The following RAPGEF2 variants were observed in gnomAD, a reference collection of about 807,000 sequenced individuals.
RAPGEF2 encodes the protein Rap guanine nucleotide exchange factor 2.
A neutral mutation model predicts 186.7 loss-of-function variants in RAPGEF2; 54 were observed. The ratio of observed to expected loss-of-function variants is 0.29; its 90% CI spans 0.23 to 0.36. The LOEUF (loss-of-function observed/expected upper bound fraction) is 0.36. Among genes scored for constraint, RAPGEF2 ranks in the 10% least tolerant of loss-of-function variants. RAPGEF2 has a pLI of 1.00. For synonymous variants in RAPGEF2, 712 were observed against 705.9 expected (o/e 1.01, Z -0.14); for missense variants, 1,532 against 2,045.0 (o/e 0.75, Z 4.84).
At chr4:159,332,408 T>C (rs998618331) in intron 16 of RAPGEF2, 43 bp from the exon 17 acceptor site, 2 of 1,573,764 alleles carry the variant, frequency 1.3e-6, no homozygotes, top group African/African-American at 2.7e-5. Context: ...TCAGATATCT[T>C]ATAATTGCCA....
chr4:159,187,007 T>G (rs1006074609), intron 2 of RAPGEF2, among the ~76,000 whole-genome samples: 4 of 152,254 alleles, frequency 2.6e-5, no homozygotes, highest in African/African-American at 9.6e-5. Context: ...TACCCTATAG[T>G]GCTATAGAAC....
intron 19 of RAPGEF2, 40 bp from the exon 20 acceptor site, chr4:159,341,524 T>C: frequency 5.9e-6 from 9 of 1,526,924 alleles, no homozygotes; most frequent in Non-Finnish European, 7.9e-6. Context: ...ATGAGATTGC[T>C]GCTTAGGCTT....
rs1561333374 is a variant in RAPGEF2 at position 159,350,123 on chromosome 4, T to G, written c.3713-14T>G. 1 of 1,482,272 alleles carries G rather than the reference T, an allele frequency of 6.7e-7. No individual in the cohort carries two copies. The highest frequency in any genetic ancestry group is 2.4e-5 in the East Asian group (1 of 42,198). The allele number at this position is 1,482,272 out of a possible 1,614,324, so 91.8% of individuals were successfully genotyped here. A position where few individuals can be genotyped will look rare whatever the true frequency, so the allele number is the denominator to read the frequency against. On this transcript the variant is annotated splice_polypyrimidine_tract_variant and intron_variant, in intron 25 of 29. Transcript: ENST00000691494. ...TGAAAATACATATTTAAGGTTTTTT[T>G]TTTTCCATTATAGGCATAAACTCTC...
At chr4:159,305,250 C>G (rs1763141390) in intron 8 of RAPGEF2, among the ~76,000 whole-genome samples, 1 of 152,100 alleles carries the variant, frequency 6.6e-6, no homozygotes, top group South Asian at 2.1e-4. Context: ...TTGGAGAAAT[C>G]TCCATACTGT....
intron 1 of RAPGEF2, among the ~76,000 whole-genome samples, chr4:159,157,792 C>A (rs1215373666): frequency 6.6e-6 from 1 of 152,178 alleles, no homozygotes; most frequent in Non-Finnish European, 1.5e-5. Context: ...ATCTCTGCTG[C>A]TAGAATGTCA....
intron 7 of RAPGEF2, among the ~76,000 whole-genome samples, chr4:159,258,527 C>T (rs950178688): frequency 4.6e-5 from 7 of 152,110 alleles, no homozygotes; most frequent in East Asian, 3.8e-4. Flanking sequence ...TTGGTTAATG[C>T]GTCCATTTAT....
chr4:159,175,214 G>A (rs759053060), intron 1 of RAPGEF2, among the ~76,000 whole-genome samples: 2 of 152,136 alleles, frequency 1.3e-5, no homozygotes, highest in Non-Finnish European at 2.9e-5. Context: ...TTTCTTTTGG[G>A]TGTAAATTAG....
intron 4 of RAPGEF2, among the ~76,000 whole-genome samples, chr4:159,219,480 C>T (rs932471832): frequency 3.3e-5 from 5 of 151,168 alleles, no homozygotes; most frequent in South Asian, 2.1e-4. Context: ...CTCAGCCTCC[C>T]GAGTAGCTGG....
intron 2 of RAPGEF2, among the ~76,000 whole-genome samples, chr4:159,189,649 G>A (rs140611191): frequency 6.6e-4 from 101 of 152,244 alleles, no homozygotes; most frequent in African/African-American, 2.4e-3. Flanking sequence ...AGTAGTAACC[G>A]AATTATGGTT....
intron 19 of RAPGEF2, among the ~76,000 whole-genome samples, chr4:159,340,295 A>C (rs1311997197): frequency 6.6e-6 from 1 of 152,142 alleles, no homozygotes; most frequent in East Asian, 1.9e-4. Context: ...ACACTAGCAA[A>C]TAGTTTTGTT....
chr4:159,208,648 T>A (rs1218766196), intron 3 of RAPGEF2, among the ~76,000 whole-genome samples: 1 of 152,212 alleles, frequency 6.6e-6, no homozygotes, highest in East Asian at 1.9e-4. Context: ...TTTGGTTCAT[T>A]TGGTTATGTT....
chr4:159,336,620 G>A (rs1287843280), intron 17 of RAPGEF2, among the ~76,000 whole-genome samples: 2 of 152,214 alleles, frequency 1.3e-5, no homozygotes, highest in African/African-American at 2.4e-5. Context: ...GAATTGTGCT[G>A]CTCTAAACAA....
At chr4:159,219,418 C>G (rs550021131) in intron 4 of RAPGEF2, among the ~76,000 whole-genome samples, 19 of 125,834 alleles carry the variant, frequency 1.5e-4, no homozygotes, top group Non-Finnish European at 2.6e-4. Flanking sequence ...TGCAGTGGTG[C>G]GATCTGGGCT....
intron 23 of RAPGEF2, 23 bp from the exon 24 acceptor site, chr4:159,345,083 A>G (rs1281426463): frequency 1.9e-6 from 3 of 1,582,954 alleles, no homozygotes; most frequent in African/African-American, 2.7e-5. Context: ...AGTGAGCTGC[A>G]TATGTACCTT....
At chr4:159,112,059 A>T (rs1257435400) in intron 1 of RAPGEF2, among the ~76,000 whole-genome samples, 1 of 152,180 alleles carries the variant, frequency 6.6e-6, no homozygotes, top group African/African-American at 2.4e-5. Flanking sequence ...AAATGTTATT[A>T]ATTGGAATCG....
At chr4:159,334,281 G>A (rs1304629972) in intron 17 of RAPGEF2, among the ~76,000 whole-genome samples, 3 of 152,006 alleles carry the variant, frequency 2.0e-5, no homozygotes, top group Admixed American at 6.6e-5. Context: ...ACAGAGGCTC[G>A]CTCTGTCAGC....
chr4:159,277,167 T>G (rs1181605094), intron 7 of RAPGEF2, among the ~76,000 whole-genome samples: 3 of 150,508 alleles, frequency 2.0e-5, no homozygotes, highest in Non-Finnish European at 4.4e-5. Flanking sequence ...AGTGAGAACA[T>G]GCAGTGTTTG....
chr4:159,239,231 T>C (rs1461935826), intron 5 of RAPGEF2, among the ~76,000 whole-genome samples: 1 of 152,140 alleles, frequency 6.6e-6, no homozygotes, highest in African/African-American at 2.4e-5. Flanking sequence ...TTGATTGGAA[T>C]GAGTGACTTA....
intron 4 of RAPGEF2, among the ~76,000 whole-genome samples, chr4:159,213,981 G>C (rs752171432): frequency 2.6e-5 from 4 of 152,160 alleles, no homozygotes; most frequent in Non-Finnish European, 4.4e-5. Context: ...CCTTCAGATA[G>C]AGCTGAACTC....
Sources: allele counts gnomAD v4.1 joint callset (sites outside exome capture counted in the v4.1 genomes callset), GRCh38; gene constraint gnomAD v4.1.1; transcripts MANE v1.5; gene names NCBI Gene and HGNC (gene_info 2026-07-23, HGNC 2026-07-21).